SLIT3: variants seen among roughly 807,000 people sequenced by gnomAD.
The protein encoded by SLIT3 is slit guidance ligand 3, also known as slit homolog 3 protein.
A neutral mutation model predicts 184.0 loss-of-function variants in SLIT3; 68 were observed. That is an observed-to-expected ratio of 0.37 (90% CI 0.30 to 0.45). The LOEUF is 0.45. Ranked by LOEUF, SLIT3 falls within the 20% of genes least tolerant of loss-of-function variation. The pLI is 1.00. For missense variants in SLIT3, 1,707 were observed against 2,026.0 expected, an observed-to-expected ratio of 0.84 and a Z score of 3.02; for synonymous variants, 831 against 828.6, an observed-to-expected ratio of 1.00 and a Z score of -0.05.
intron 20 of SLIT3, among the ~76,000 whole-genome samples, chr5:168,736,993 C>G (rs1235472879): frequency 6.6e-6 from 1 of 152,190 alleles, no homozygotes; most frequent in African/African-American, 2.4e-5. Flanking sequence ...AATGAGATTA[C>G]CTATTAAGAA....
intron 1 of SLIT3, among the ~76,000 whole-genome samples, chr5:169,271,181 A>C (rs1485972506): frequency 6.6e-6 from 1 of 152,184 alleles, no homozygotes. Flanking sequence ...AGGGCAGACA[A>C]GCATTCCAGA....
At chr5:169,089,176 A>T (rs1194397474) in intron 4 of SLIT3, among the ~76,000 whole-genome samples, 2 of 152,082 alleles carry the variant, frequency 1.3e-5, no homozygotes, top group African/African-American at 4.8e-5. Flanking sequence ...TAATAAAGAA[A>T]TGTAGGACCC....
chr5:169,055,312 A>G (rs1361017149), intron 4 of SLIT3, among the ~76,000 whole-genome samples: 1 of 152,204 alleles, frequency 6.6e-6, no homozygotes, highest in African/African-American at 2.4e-5. Flanking sequence ...TTTAGGAGTT[A>G]CGCGGTAATA....
At chr5:168,923,297 C>T (rs1761702601) in intron 4 of SLIT3, among the ~76,000 whole-genome samples, 2 of 152,208 alleles carry the variant, frequency 1.3e-5, no homozygotes, top group East Asian at 3.9e-4. Flanking sequence ...CTCCCCCTCC[C>T]TAATCCTTAT....
intron 26 of SLIT3, among the ~76,000 whole-genome samples, chr5:168,703,425 C>T (rs555911004): frequency 5.3e-5 from 8 of 152,100 alleles, no homozygotes; most frequent in Non-Finnish European, 8.8e-5. Context: ...ACCTGAGCTC[C>T]GCCTCCTTTC....
chr5:169,205,881 G>A (rs186014067), intron 3 of SLIT3, among the ~76,000 whole-genome samples: 1 of 152,270 alleles, frequency 6.6e-6, no homozygotes, highest in East Asian at 1.9e-4. Context: ...CTTGAAAGAG[G>A]GTCCTGAGAG....
chr5:169,233,751 A>G (rs754491107), intron 3 of SLIT3, among the ~76,000 whole-genome samples: 2 of 152,118 alleles, frequency 1.3e-5, no homozygotes, highest in South Asian at 4.1e-4. Context: ...CTTTATATCC[A>G]TTCTTTTTCC....
chr5:168,760,951 A>T lies in SLIT3; in HGVS notation c.1611-15T>A, dbSNP rs1168708871. ...CATTCAGTCGCCTGTGTAGGAAGCA[A>T]GATGAGTGGTAGGTTAGCTGTGGAC... On this transcript the variant is annotated splice_polypyrimidine_tract_variant and intron_variant, in intron 15 of 35. Coordinates refer to ENST00000519560, the MANE Select transcript of SLIT3 (RefSeq NM_003062.4). 1.2e-6 allele frequency: 2 copies of T among 1,604,680 alleles called. No homozygotes were observed. The highest frequency in any genetic ancestry group is 1.3e-5 in the African/African-American group (1 of 74,710).
chr5:168,803,485 T>C (rs1250534273), intron 9 of SLIT3, among the ~76,000 whole-genome samples: 1 of 152,252 alleles, frequency 6.6e-6, no homozygotes, highest in Non-Finnish European at 1.5e-5. Flanking sequence ...AGGTATGGTC[T>C]GGCCTGCACA....
chr5:168,913,330 G>A (rs1761315964), intron 4 of SLIT3, among the ~76,000 whole-genome samples: 1 of 152,192 alleles, frequency 6.6e-6, no homozygotes, highest in Non-Finnish European at 1.5e-5. Flanking sequence ...GGTTTGAGAA[G>A]CATTACTAAC....
intron 3 of SLIT3, among the ~76,000 whole-genome samples, chr5:169,223,432 C>T (rs1396734650): frequency 6.6e-6 from 1 of 152,326 alleles, no homozygotes; most frequent in African/African-American, 2.4e-5. Flanking sequence ...ATGTGCTCTT[C>T]CTCTATGGCG....
intron 12 of SLIT3, among the ~76,000 whole-genome samples, chr5:168,778,606 G>T (rs369645627): frequency 3.6e-4 from 55 of 152,354 alleles, no homozygotes; most frequent in African/African-American, 1.3e-3. Flanking sequence ...TGAGTGGCTT[G>T]CATCTGTACG....
Position 169,300,698 on chromosome 5 carries a change from C to G in SLIT3, c.12G>C (p.Gly4=), listed in dbSNP as rs1428102001. 2 of 1,368,608 alleles carry G rather than the reference C, an allele frequency of 1.5e-6. No homozygotes were observed. Among genetic ancestry groups the G allele is most frequent in the East Asian group, 6.2e-5 (2 of 32,414 alleles). The allele number at this position is 1,368,608 out of a possible 1,614,324, so 84.8% of individuals were successfully genotyped here. ...GCACGGCGGCGCCGACCCCTGCCCA[C>G]CCGGGGGCCATGGTGTGCAGGGCCC... MAP[G]WAGVGAAVRA... is the part of the protein sequence containing the mutation. The change falls in exon 1 of 36, where the codon GGG becomes GGC. Residue 4 remains glycine (G), a synonymous_variant. Transcript: ENST00000519560. This position sits in a 1 kb window ranked among gnomAD's most constrained non-coding sequence, Gnocchi z 4.1.
chr5:169,291,118 C>T (rs993420143), intron 1 of SLIT3, among the ~76,000 whole-genome samples: 14 of 151,994 alleles, frequency 9.2e-5, no homozygotes, highest in African/African-American at 3.4e-4. Context: ...GTGATATGGC[C>T]GTGATAAGTG....
intron 1 of SLIT3, among the ~76,000 whole-genome samples, chr5:169,266,426 G>A (rs1234791098): frequency 6.6e-6 from 1 of 152,222 alleles, no homozygotes; most frequent in Non-Finnish European, 1.5e-5. Flanking sequence ...AGGAATGTGG[G>A]TGGAAATAAT....
intron 3 of SLIT3, among the ~76,000 whole-genome samples, chr5:169,229,631 C>A (rs113238375): frequency 5.2e-4 from 73 of 140,510 alleles, no homozygotes; most frequent in African/African-American, 2.0e-3. Flanking sequence ...CGTACTTAGT[C>A]AAATAAATTC....
intron 6 of SLIT3, among the ~76,000 whole-genome samples, chr5:168,834,046 C>G (rs934069196): frequency 2.6e-5 from 4 of 152,196 alleles, no homozygotes; most frequent in African/African-American, 9.6e-5. Flanking sequence ...CAACTAGCCC[C>G]CAGTGTGCAG....
intron 11 of SLIT3, among the ~76,000 whole-genome samples, chr5:168,787,405 G>C (rs1265220752): frequency 6.6e-6 from 1 of 152,162 alleles, no homozygotes; most frequent in Admixed American, 6.5e-5. Context: ...TCTCCTGCCT[G>C]TGTGGTCTCC....
At chr5:169,002,446 G>A (rs374268123) in intron 4 of SLIT3, among the ~76,000 whole-genome samples, 1 of 151,594 alleles carries the variant, frequency 6.6e-6, no homozygotes, top group Admixed American at 6.6e-5. Flanking sequence ...GGTCTGGGAA[G>A]TGAAGAGTTT....
Sources: allele counts gnomAD v4.1 joint callset (sites outside exome capture counted in the v4.1 genomes callset), GRCh38; gene constraint gnomAD v4.1.1; non-coding constraint Gnocchi (gnomAD v3.1); transcripts MANE v1.5; gene names NCBI Gene and HGNC (gene_info 2026-07-23, HGNC 2026-07-21).